Variants in PDZD2 observed in about 807,000 individuals in gnomAD.
PDZD2 encodes the protein PDZ domain containing 2.
PDZD2 carries 90 observed loss-of-function variants against 220.7 expected under a neutral mutation model. That is an observed-to-expected ratio of 0.41 (90% CI 0.34 to 0.49). The LOEUF is 0.49. Among genes scored for constraint, PDZD2 ranks in the 20% least tolerant of loss-of-function variants. The pLI is 0.28. For missense variants in PDZD2, 3,174 were observed against 3,608.5 expected, an observed-to-expected ratio of 0.88 and a Z score of 3.08; for synonymous variants, 1,375 against 1,450.5, an observed-to-expected ratio of 0.95 and a Z score of 1.18.
intron 2 of PDZD2, among the ~76,000 whole-genome samples, chr5:31,870,746 G>A (rs2330780): frequency 0.46 from 70,210 of 151,732 alleles, 16,462 homozygotes; most frequent in South Asian, 0.54. Context: ...AAAATTAGCC[G>A]GGCATGGTGG....
chr5:31,907,312 T>C, intron 2 of PDZD2, among the ~76,000 whole-genome samples: 1 of 152,224 alleles, frequency 6.6e-6, no homozygotes, highest in South Asian at 2.1e-4. Flanking sequence ...TGTCTTCACA[T>C]GGCAGGGAAA....
intron 1 of PDZD2, among the ~76,000 whole-genome samples, chr5:31,729,397 G>A (rs561906191): frequency 4.6e-5 from 7 of 151,992 alleles, no homozygotes; most frequent in Middle Eastern, 3.4e-3. Flanking sequence ...GTGCCCGGCC[G>A]AGAGATAGAA....
intron 2 of PDZD2, among the ~76,000 whole-genome samples, chr5:31,853,923 C>T (rs1758209114): frequency 6.6e-6 from 1 of 152,166 alleles, no homozygotes; most frequent in African/African-American, 2.4e-5. Context: ...TCCTCTAGCT[C>T]AGGTCCCTGG....
chr5:31,982,195 C>T (rs1282655220), intron 2 of PDZD2, among the ~76,000 whole-genome samples: 1 of 152,232 alleles, frequency 6.6e-6, no homozygotes, highest in African/African-American at 2.4e-5. Flanking sequence ...AAATGACACT[C>T]CATGTGTGCT....
intron 1 of PDZD2, among the ~76,000 whole-genome samples, chr5:31,661,785 GTT>G (rs5867089): frequency 6.2e-4 from 88 of 141,830 alleles, no homozygotes; most frequent in Non-Finnish European, 1.0e-3. Context: ...TCCTCCCTTG[GTT>G]TTTTTTTTTT....
At position 31,699,002 on chromosome 5, in the gene PDZD2, G is replaced by C. The variant is rs745541888; in HGVS notation, c.-361+59565G>C. Among the ~76,000 whole-genome samples, 3 of 152,278 alleles carry C rather than the reference G, an allele frequency of 2.0e-5. No individual in the cohort carries two copies. The East Asian group carries it at 5.8e-4, about 29-fold the overall frequency. The stretch of plus-strand genomic sequence containing the variant: ...CTGACCCTGGCCATGAACCTGCTTT[G>C]GGGTTTGGTATTGTTGTGCGTGGAC... On this transcript the variant is annotated intron_variant, in intron 1 of 24. Transcript: ENST00000438447.
At chr5:31,733,152 C>T (rs948202580) in intron 1 of PDZD2, among the ~76,000 whole-genome samples, 2 of 152,172 alleles carry the variant, frequency 1.3e-5, no homozygotes, top group African/African-American at 4.8e-5. Flanking sequence ...CCAAACTTAC[C>T]TGTGCTGTTA....
chr5:31,852,458 G>T (rs1758114564), intron 2 of PDZD2, among the ~76,000 whole-genome samples: 1 of 151,306 alleles, frequency 6.6e-6, no homozygotes, highest in South Asian at 2.1e-4. Context: ...GCTGATTTTT[G>T]TATTTTTAAT....
At chr5:32,048,411 G>C in intron 7 of PDZD2, 128 bp from the exon 8 acceptor site, 1 of 703,456 alleles carries the variant, frequency 1.4e-6, no homozygotes, top group Non-Finnish European at 2.4e-6. Context: ...TGTGCTTTGA[G>C]TGTATTGGAC....
intron 1 of PDZD2, among the ~76,000 whole-genome samples, chr5:31,793,738 C>G (rs932151579): frequency 6.6e-6 from 1 of 152,140 alleles, no homozygotes; most frequent in African/African-American, 2.4e-5. Context: ...AACCGGGAGG[C>G]GGAGGTTGCA....
intron 2 of PDZD2, among the ~76,000 whole-genome samples, chr5:31,836,113 A>G (rs1756926224): frequency 6.6e-6 from 1 of 152,142 alleles, no homozygotes; most frequent in African/African-American, 2.4e-5. Context: ...TACCAGTCTG[A>G]CTTAGATGTT....
At chr5:31,732,981 G>A (rs1253910798) in intron 1 of PDZD2, among the ~76,000 whole-genome samples, 10 of 152,234 alleles carry the variant, frequency 6.6e-5, no homozygotes, top group South Asian at 4.1e-4. Flanking sequence ...CGCCTGCCTC[G>A]GCCTCCCAAA....
chr5:31,675,912 G>T (rs1247223782), intron 1 of PDZD2, among the ~76,000 whole-genome samples: 2 of 152,044 alleles, frequency 1.3e-5, no homozygotes, highest in African/African-American at 4.8e-5. Context: ...ATGTGGCCCC[G>T]GCTAGCCTCA....
chr5:31,706,642 G>A (rs1209699529), intron 1 of PDZD2, among the ~76,000 whole-genome samples: 2 of 151,958 alleles, frequency 1.3e-5, no homozygotes, highest in African/African-American at 4.8e-5. Flanking sequence ...TCAGGAGATC[G>A]AGACCATCCT....
rs1444116725 is a variant in PDZD2 at position 32,101,186 on chromosome 5, G to A, written c.8300G>A (p.Gly2767Glu). 6.2e-7 allele frequency: 1 copy of A among 1,613,986 alleles called. No individual in the cohort carries two copies. The highest frequency in any genetic ancestry group is 8.5e-7 in the Non-Finnish European group (1 of 1,179,988). Residue 2767 changes from glycine (G) to glutamate (E), a missense_variant, in exon 24 of 25, where the codon GGA becomes GAA. Physicochemically the swap from Gly to Glu is moderately conservative, Grantham distance 98 (BLOSUM62 -2). Around this residue, in one of 4 missense-constraint regions of PDZD2, gnomAD observed 631 missense variants for 789.9 expected, o/e 0.80. Coordinates refer to ENST00000438447, the MANE Select transcript of PDZD2 (RefSeq NM_178140.4). ...GGGCTGGGACTGAGTCTGGATGGGG[G>A]AAAATCATCGGTGACGGGAGATGGG... ...SAGLGLSLDG[G>E]KSSVTGDGPL...
intron 2 of PDZD2, among the ~76,000 whole-genome samples, chr5:31,882,513 G>A (rs1740020585): frequency 6.6e-6 from 1 of 152,184 alleles, no homozygotes; most frequent in Non-Finnish European, 1.5e-5. Flanking sequence ...ATTCCATGTG[G>A]ATTATTATCC....
chr5:31,906,401 G>A (rs1046107070), intron 2 of PDZD2, among the ~76,000 whole-genome samples: 2 of 150,850 alleles, frequency 1.3e-5, no homozygotes, highest in African/African-American at 4.9e-5. Context: ...GTAGAGACGG[G>A]GTTTCGCCAT....
chr5:31,934,087 T>C (rs748071234), intron 2 of PDZD2, among the ~76,000 whole-genome samples: 3 of 152,200 alleles, frequency 2.0e-5, no homozygotes, highest in Non-Finnish European at 4.4e-5. Flanking sequence ...TACCATAGAT[T>C]TTTGGCAGAT....
At chr5:31,814,887 G>A (rs931243097) in intron 2 of PDZD2, among the ~76,000 whole-genome samples, 6 of 151,976 alleles carry the variant, frequency 3.9e-5, no homozygotes, top group East Asian at 1.9e-4. Context: ...TAAGATAGGC[G>A]GTTGTGCAGG....
Sources: allele counts gnomAD v4.1 joint callset (sites outside exome capture counted in the v4.1 genomes callset), GRCh38; gene constraint gnomAD v4.1.1; regional missense constraint gnomAD v4.1.1; transcripts MANE v1.5; gene names NCBI Gene and HGNC (gene_info 2026-07-23, HGNC 2026-07-21).